Variants in IQGAP1 observed in about 807,000 individuals in gnomAD.
IQGAP1 encodes the protein ras GTPase-activating-like protein IQGAP1.
IQGAP1 carries 66 observed loss-of-function variants against 215.6 expected under a neutral mutation model. The observed-to-expected ratio is 0.31, with a 90% CI of 0.25 to 0.38. The LOEUF is 0.38. IQGAP1 is among the 10% of genes least tolerant of loss of function. The probability of loss-of-function intolerance (pLI) is 1.00; values close to 1 mark genes in which losing one functional copy is unlikely to be tolerated. For synonymous variants in IQGAP1, 772 were observed against 728.7 expected, an observed-to-expected ratio of 1.06 and a Z score of -0.96; for missense variants, 1,712 against 1,997.1, an observed-to-expected ratio of 0.86 and a Z score of 2.72.
intron 18 of IQGAP1, among the ~76,000 whole-genome samples, chr15:90,470,604 T>A (rs962149149): frequency 2.6e-5 from 4 of 152,162 alleles, no homozygotes; most frequent in Non-Finnish European, 5.9e-5. Flanking sequence ...TTCCCTGATC[T>A]GGCCTCACCT....
intron 15 of IQGAP1, among the ~76,000 whole-genome samples, chr15:90,457,163 A>G (rs1965696719): frequency 6.6e-6 from 1 of 151,622 alleles, no homozygotes; most frequent in Non-Finnish European, 1.5e-5. Flanking sequence ...ATTTGGTGGT[A>G]AGCACTATTC....
intron 14 of IQGAP1, among the ~76,000 whole-genome samples, chr15:90,454,832 A>G (rs719473): frequency 0.19 from 28,593 of 152,098 alleles, 2,801 homozygotes; most frequent in South Asian, 0.23. Flanking sequence ...ACTACATGGA[A>G]TTAGGTTGAA....
intron 2 of IQGAP1, among the ~76,000 whole-genome samples, chr15:90,416,588 T>A (rs1389558111): frequency 6.6e-6 from 1 of 151,772 alleles, no homozygotes; most frequent in African/African-American, 2.4e-5. Flanking sequence ...CTTTTTTTTT[T>A]TTTTTTTGAG....
At position 90,477,739 on chromosome 15, in the gene IQGAP1, G is replaced by A; in HGVS notation, c.3179G>A (p.Arg1060His). ...TVIKMVVSFN[R>H]GARGQNALRQ... Reference sequence around the variant, plus strand: ...ATTAAAATGGTTGTAAGTTTCAACCGTGGTGCCCGTGGCCAGAATGCCCTG... The same window carrying A: ...ATTAAAATGGTTGTAAGTTTCAACCATGGTGCCCGTGGCCAGAATGCCCTG... Residue 1060 changes from arginine to histidine, a missense_variant, in exon 26 of 38, where the codon CGT becomes CAT. Around this residue, in one of 2 missense-constraint regions of IQGAP1, gnomAD observed 691 missense variants for 923.0 expected, o/e 0.75. Coordinates refer to ENST00000268182, the MANE Select transcript of IQGAP1 (RefSeq NM_003870.4). 1 of 1,613,828 alleles carries A rather than the reference G, an allele frequency of 6.2e-7. No homozygotes were observed. The highest frequency in any genetic ancestry group is 8.5e-7 in the Non-Finnish European group (1 of 1,179,780).
At chr15:90,477,528 G>C in intron 25 of IQGAP1, 137 bp from the exon 26 acceptor site, 1 of 690,926 alleles carries the variant, frequency 1.4e-6, no homozygotes, top group Middle Eastern at 3.4e-4. Context: ...TGAGCGTGCA[G>C]CTGCAGGAAC....
At chr15:90,495,926 T>C (rs993786808) in intron 36 of IQGAP1, among the ~76,000 whole-genome samples, 1 of 139,396 alleles carries the variant, frequency 7.2e-6, no homozygotes, top group African/African-American at 3.0e-5. Context: ...TATTATTATG[T>C]TATTATTATT....
chr15:90,486,991 G>C lies in IQGAP1; in HGVS notation c.4062G>C (p.Glu1354Asp). 6.2e-7 allele frequency: 1 copy of C among 1,614,078 alleles called. No individual in the cohort carries two copies. Among genetic ancestry groups the C allele is most frequent in the African/African-American group, 1.3e-5 (1 of 75,014 alleles). The change falls in exon 32 of 38, where the codon GAG (glutamate) becomes GAC (aspartate). Residue 1354 changes from glutamate to aspartate, a missense_variant. By Grantham distance (45) the Glu-to-Asp change is conservative. Transcript: ENST00000268182. ...GCAATTTAAATGACCCAAATAAGGAGGCACTGGCTAAGACGGAAGTGTCTC... is the reference window on the plus strand; with the variant it reads ...GCAATTTAAATGACCCAAATAAGGACGCACTGGCTAAGACGGAAGTGTCTC... ...SSGNLNDPNKEALAKTEVSLT... is the reference protein window; with the variant it reads ...SSGNLNDPNKDALAKTEVSLT...
chr15:90,395,256 T>C (rs1964696461), intron 2 of IQGAP1, among the ~76,000 whole-genome samples: 1 of 152,234 alleles, frequency 6.6e-6, no homozygotes, highest in South Asian at 2.1e-4. Flanking sequence ...GAAGCTTATT[T>C]TTATCCTTTT....
In IQGAP1 at chr15:90,390,886, T is replaced by C. The variant is rs768306990; in HGVS notation, c.155+13T>C. ...AAGAAGCGAAGAGGTAAAGATTGGCTGGCTGGAGAGAAGATTAAGAGAAGG... is the reference window on the plus strand; with the variant it reads ...AAGAAGCGAAGAGGTAAAGATTGGCCGGCTGGAGAGAAGATTAAGAGAAGG... On this transcript the variant is annotated intron_variant, in intron 2 of 37. Coordinates refer to ENST00000268182, the MANE Select transcript of IQGAP1 (RefSeq NM_003870.4). 2.0e-6 allele frequency: 3 copies of C among 1,497,300 alleles called. No individual in the cohort carries two copies. In the South Asian group the frequency reaches 3.4e-5, roughly 17 times the overall value. 92.8% of individuals were successfully genotyped at this position (1,497,300 alleles called of 1,614,324 possible).
chr15:90,471,045 G>C, intron 18 of IQGAP1, among the ~76,000 whole-genome samples: 1 of 151,960 alleles, frequency 6.6e-6, no homozygotes, highest in South Asian at 2.1e-4. Flanking sequence ...TCCTAAATCT[G>C]TACCTCCAGA....
At chr15:90,409,321 T>G in intron 2 of IQGAP1, among the ~76,000 whole-genome samples, 1 of 141,740 alleles carries the variant, frequency 7.1e-6, no homozygotes, top group South Asian at 2.5e-4. Flanking sequence ...CATTGCAACC[T>G]CCACCTCCCG....
chr15:90,437,124 AAG>A (rs1280668859), intron 5 of IQGAP1, among the ~76,000 whole-genome samples: 1 of 152,260 alleles, frequency 6.6e-6, no homozygotes, highest in Non-Finnish European at 1.5e-5. Context: ...GTAGAAGACA[AAG>A]AGGAAGCAGT....
chr15:90,428,667 C>T (rs1701841919), intron 3 of IQGAP1, among the ~76,000 whole-genome samples: 2 of 152,024 alleles, frequency 1.3e-5, no homozygotes, highest in Admixed American at 1.3e-4. Context: ...CTCGTAGTCC[C>T]AGCTACTCAG....
chr15:90,497,307 A>C lies in IQGAP1; in HGVS notation c.4827A>C (p.Gly1609=), dbSNP rs1485078029. 6.2e-7 allele frequency: 1 copy of C among 1,608,790 alleles called. No homozygotes were observed. Among genetic ancestry groups the C allele is most frequent in the South Asian group, 1.1e-5 (1 of 90,912 alleles). The change falls in exon 37 of 38, where the codon GGA becomes GGC. Residue 1609 remains glycine, a synonymous_variant. Coordinates refer to ENST00000268182, the MANE Select transcript of IQGAP1 (RefSeq NM_003870.4). ...GDFEVKAKFM[G]VQMETFMLHY... ...TCGAAGTGAAAGCCAAATTCATGGG[A>C]GTTCAAATGGAGACTTTTATGTTAC...
At chr15:90,494,907 TCA>T in intron 36 of IQGAP1, 72 bp downstream of exon 36, 1 of 1,119,354 alleles carries the variant, frequency 8.9e-7, no homozygotes. Flanking sequence ...CTTTTTGTCT[TCA>T]TTTCTCTTTT....
At chr15:90,401,546 T>A (rs1258590785) in intron 2 of IQGAP1, among the ~76,000 whole-genome samples, 2 of 152,228 alleles carry the variant, frequency 1.3e-5, no homozygotes, top group Admixed American at 1.3e-4. Flanking sequence ...TCTCCCCCTC[T>A]TCCTCATTGT....
intron 36 of IQGAP1, among the ~76,000 whole-genome samples, chr15:90,495,982 G>A (rs2151041069): frequency 6.6e-6 from 1 of 150,548 alleles, no homozygotes; most frequent in East Asian, 1.9e-4. Context: ...TTCCACTACT[G>A]TTCAAGTGCC....
rs1053471553 is a variant in IQGAP1, at chr15:90,499,877, C to T, written c.4861-118C>T. 7.7e-6 allele frequency: 5 copies of T among 652,718 alleles called. No individual in the cohort carries two copies. In the African/African-American group the frequency reaches 9.1e-5, roughly 12 times the overall value. 40.4% of individuals were successfully genotyped at this position (652,718 alleles called of 1,614,324 possible). A position where few individuals can be genotyped will look rare whatever the true frequency, so the allele number is the denominator to read the frequency against. ...CTTTCGCCCCAGTTCACATCTGGCA[C>T]ACAAGGCAGGCCTCAGTCCATCTGG... On this transcript the variant is annotated intron_variant, in intron 37 of 37. Coordinates refer to ENST00000268182, the MANE Select transcript of IQGAP1 (RefSeq NM_003870.4).
chr15:90,458,330 CAT>C (rs1181192145), intron 15 of IQGAP1, among the ~76,000 whole-genome samples: 1 of 152,140 alleles, frequency 6.6e-6, no homozygotes, highest in African/African-American at 2.4e-5. Flanking sequence ...GAGTTGATGA[CAT>C]ATGAATTATT....
Sources: allele counts gnomAD v4.1 joint callset (sites outside exome capture counted in the v4.1 genomes callset), GRCh38; gene constraint gnomAD v4.1.1; regional missense constraint gnomAD v4.1.1; transcripts MANE v1.5; gene names NCBI Gene and HGNC (gene_info 2026-07-23, HGNC 2026-07-21).